Variants in CHMP1A observed in about 807,000 individuals in gnomAD.
CHMP1A encodes the protein VPS46 homolog A.
In CHMP1A, 17 loss-of-function variants were observed where a neutral mutation model predicts 27.0. The ratio of observed to expected loss-of-function variants is 0.63; its 90% CI spans 0.43 to 0.95. The LOEUF (loss-of-function observed/expected upper bound fraction) is 0.95, where lower values mean the gene tolerates loss of function less well. CHMP1A is among the 40% of genes least tolerant of loss of function. The pLI is 0.00. For synonymous variants in CHMP1A, 131 were observed against 107.5 expected, an observed-to-expected ratio of 1.22 and a Z score of -1.35; for missense variants, 275 against 264.0, an observed-to-expected ratio of 1.04 and a Z score of -0.29.
At chr16:89,653,320 T>G (rs2059839437) in intron 2 of CHMP1A, among the ~76,000 whole-genome samples, 1 of 146,400 alleles carries the variant, frequency 6.8e-6, no homozygotes, top group South Asian at 2.3e-4. Flanking sequence ...CAAGTTGTCT[T>G]TCTTAAGATA....
At chr16:89,648,903 T>C (rs1003442814) in intron 4 of CHMP1A, among the ~76,000 whole-genome samples, 1 of 151,268 alleles carries the variant, frequency 6.6e-6, no homozygotes, top group Admixed American at 6.6e-5. Flanking sequence ...TGGATGCCTG[T>C]GGTCTCAGCT....
intron 1 of CHMP1A, among the ~76,000 whole-genome samples, chr16:89,655,601 T>C (rs1404791455): frequency 6.6e-6 from 1 of 151,604 alleles, no homozygotes. Flanking sequence ...AAGAGTTGAG[T>C]GAGCTGTGGA....
At chr16:89,646,419 G>A (rs986975217) in intron 6 of CHMP1A, 108 bp downstream of exon 6, 5 of 1,252,592 alleles carry the variant, frequency 4.0e-6, no homozygotes, top group Non-Finnish European at 5.5e-6. Flanking sequence ...TCCCTGGTCG[G>A]AGCCTCAGCC....
At chr16:89,656,853 G>C (rs1330126684) in intron 1 of CHMP1A, among the ~76,000 whole-genome samples, 1 of 152,074 alleles carries the variant, frequency 6.6e-6, no homozygotes, top group Non-Finnish European at 1.5e-5. Flanking sequence ...GCGGGAAAGG[G>C]CGCCTGACGC....
At chr16:89,646,789 G>T in intron 5 of CHMP1A, 75 bp from the exon 6 acceptor site, 2 of 1,478,194 alleles carry the variant, frequency 1.4e-6, no homozygotes, top group South Asian at 1.2e-5. Flanking sequence ...ACAAGGGTAC[G>T]ACTGCACTTT....
rs2059804377 is a variant in CHMP1A, at chr16:89,649,141, ACGCTG to A, written c.252+205_252+209del. 11 of 351,832 alleles carry A rather than the reference ACGCTG, an allele frequency of 3.1e-5. 1 individual carries two copies. The highest frequency in any genetic ancestry group is 5.2e-5 in the Non-Finnish European group (11 of 212,746). The allele number at this position is 351,832 out of a possible 1,614,324, so 21.8% of individuals were successfully genotyped here. A position where few individuals can be genotyped will look rare whatever the true frequency, so the allele number is the denominator to read the frequency against. ...TGTCCCTGCCAGCATTTCCCACCCC[ACGCTG>A]ATCCAGCTTAACTCAACCTCCCCAC... On this transcript the variant is annotated intron_variant, in intron 4 of 6. Coordinates refer to ENST00000397901, the MANE Select transcript of CHMP1A (RefSeq NM_002768.5).
chr16:89,646,816 C>A, intron 5 of CHMP1A, 102 bp from the exon 6 acceptor site: 1 of 1,279,126 alleles, frequency 7.8e-7, no homozygotes, highest in Non-Finnish European at 1.1e-6. Flanking sequence ...CCTCACACAG[C>A]CAGCCACCTT....
In CHMP1A at chr16:89,645,903, C is replaced by G; in HGVS notation, c.*163G>C. On this transcript the variant is annotated 3_prime_UTR_variant, in exon 7 of 7. Coordinates refer to ENST00000397901, the MANE Select transcript of CHMP1A (RefSeq NM_002768.5). ...AGACCCACCGCCCAACCTAAAAGAA[C>G]AGGAACAACCCTAAGGCCACGCAGG... 1 of 1,600,384 alleles carries G rather than the reference C, an allele frequency of 6.2e-7. No individual in the cohort carries two copies. The highest frequency in any genetic ancestry group is 8.5e-7 in the Non-Finnish European group (1 of 1,174,854).
In CHMP1A at chr16:89,651,583, C is replaced by G; in HGVS notation, c.91G>C (p.Ala31Pro). ...KAEKDSKAEQ[A>P]KVKKALLQKN... ...CAGGGTCTCACCTTCTTCACTTTGG[C>G]CTGCTCCGCCTTGGAGTCCTTCTCC... Residue 31 changes from alanine to proline, a missense_variant, in exon 3 of 7, where the codon GCC (alanine) becomes CCC (proline). Transcript: ENST00000397901. 6.2e-7 allele frequency: 1 copy of G among 1,613,742 alleles called. No homozygotes were observed. Among genetic ancestry groups the G allele is most frequent in the Non-Finnish European group, 8.5e-7 (1 of 1,179,804 alleles).
At position 89,645,934 on chromosome 16, in the gene CHMP1A, C is replaced by A; in HGVS notation, c.*132G>T. The A allele has an allele frequency of 3.1e-6, 5 of 1,611,060 alleles. No homozygotes were observed. In the Middle Eastern group the frequency reaches 6.7e-4, roughly 215 times the overall value. ...CAACCCTAAGGCCACGCAGGCCTGG[C>A]AGGTGAGAGACGCAGAGTGGCTGCC... On this transcript the variant is annotated 3_prime_UTR_variant, in exon 7 of 7. Coordinates refer to ENST00000397901, the MANE Select transcript of CHMP1A (RefSeq NM_002768.5).
At chr16:89,648,912 C>T (rs2059801975) in intron 4 of CHMP1A, among the ~76,000 whole-genome samples, 2 of 151,378 alleles carry the variant, frequency 1.3e-5, no homozygotes, top group African/African-American at 4.9e-5. Context: ...GTGGTCTCAG[C>T]TACTTGCGAG....
rs11076608 is a variant in CHMP1A at position 89,647,581 on chromosome 16, A to C, written c.253-250T>G. The stretch of plus-strand genomic sequence containing the variant: ...CGACGTGGAGACCCAGTGCGGGGTC[A>C]GTGGAGAAAAGGCCGCCGACGTGGA... On this transcript the variant is annotated intron_variant, in intron 4 of 6. Transcript: ENST00000397901. Among the ~76,000 whole-genome samples the C allele has an allele frequency of 0.016, 1,061 of 64,358 alleles. 42 individuals carry two copies. The highest frequency in any genetic ancestry group is 0.061 in the Middle Eastern group (6 of 98). The allele number at this position is 64,358 out of a possible 152,430, so 42.2% of individuals were successfully genotyped here. A position where few individuals can be genotyped will look rare whatever the true frequency, so the allele number is the denominator to read the frequency against.
chr16:89,649,411 C>T lies in CHMP1A; in HGVS notation c.192G>A (p.Arg64=). ...CCACTGCGTCTACGCGGGACGCCAT[C>T]CGAAGCCAGTTCACACCTTCGTTCT... ...RKKNEGVNWL[R]MASRVDAVAS... is the part of the protein sequence containing the mutation. The change falls in exon 4 of 7, where the codon CGG becomes CGA. Residue 64 remains arginine, a synonymous_variant. Transcript: ENST00000397901. The T allele has an allele frequency of 6.2e-7, 1 of 1,613,786 alleles. No individual in the cohort carries two copies.
chr16:89,646,763 G>A, intron 5 of CHMP1A, 49 bp from the exon 6 acceptor site: 1 of 1,576,572 alleles, frequency 6.3e-7, no homozygotes, highest in Non-Finnish European at 8.6e-7. Context: ...AGGCCCATGG[G>A]GCCCCACTCA....
chr16:89,646,925 C>A, intron 5 of CHMP1A: 1 of 805,944 alleles, frequency 1.2e-6, no homozygotes, highest in South Asian at 1.7e-5. Context: ...GCCATGCCTG[C>A]TGCCGCGGGT....
chr16:89,646,333 G>A (rs112656585), intron 6 of CHMP1A, among the ~76,000 whole-genome samples, 194 bp downstream of exon 6: 23 of 152,316 alleles, frequency 1.5e-4, no homozygotes, highest in African/African-American at 5.5e-4. Context: ...CACGCCAGCC[G>A]GAGCAGGACG....
Position 89,645,597 on chromosome 16 carries a change from AGCAC to A in CHMP1A, c.*465_*468del. ...CGTTGGGTGGCACCTGACATCCCCC[AGCAC>A]ACATAGACCTGTGGTGCCTCCTTGG... On this transcript the variant is annotated 3_prime_UTR_variant, in exon 7 of 7. Transcript: ENST00000397901. The A allele has an allele frequency of 4.0e-6, 1 of 252,100 alleles. No individual in the cohort carries two copies. The highest frequency in any genetic ancestry group is 3.8e-5 in the South Asian group (1 of 26,374). 15.6% of individuals were successfully genotyped at this position (252,100 alleles called of 1,614,324 possible).
intron 2 of CHMP1A, 128 bp from the exon 3 acceptor site, chr16:89,651,774 T>A: frequency 3.4e-6 from 3 of 870,130 alleles, no homozygotes; most frequent in Non-Finnish European, 5.2e-6. Context: ...TCAGCCAGCC[T>A]GGGCCCAGCA....
chr16:89,650,725 G>A (rs34179535), intron 3 of CHMP1A, among the ~76,000 whole-genome samples: 9,002 of 151,782 alleles, frequency 0.059, 473 homozygotes, highest in Middle Eastern at 0.088. Flanking sequence ...AGAATCACTC[G>A]AACCCAGGAG....
Sources: allele counts gnomAD v4.1 joint callset (sites outside exome capture counted in the v4.1 genomes callset), GRCh38; gene constraint gnomAD v4.1.1; transcripts MANE v1.5; gene names NCBI Gene and HGNC (gene_info 2026-07-23, HGNC 2026-07-21).